Variants in GABRB1 observed in about 807,000 individuals in gnomAD.
GABRB1 encodes the protein gamma-aminobutyric acid receptor subunit beta-1.
In GABRB1, 17 loss-of-function variants were observed where a neutral mutation model predicts 51.6. The ratio of observed to expected loss-of-function variants is 0.33; its 90% CI spans 0.23 to 0.49. The LOEUF (loss-of-function observed/expected upper bound fraction) is 0.49. Among genes scored for constraint, GABRB1 ranks in the 20% least tolerant of loss-of-function variants. The probability of loss-of-function intolerance (pLI) is 0.99; values close to 1 mark genes in which losing one functional copy is unlikely to be tolerated. For missense variants in GABRB1, 410 were observed against 600.6 expected (o/e 0.68, Z 3.32); for synonymous variants, 247 against 218.9 (o/e 1.13, Z -1.14).
intron 8 of GABRB1, among the ~76,000 whole-genome samples, chr4:47,422,940 T>C (rs1185745106): frequency 6.6e-6 from 1 of 152,170 alleles, no homozygotes; most frequent in Non-Finnish European, 1.5e-5. Flanking sequence ...TTCATTTCTA[T>C]TTTAAACATT....
In GABRB1 at chr4:47,403,629, C is replaced by T; in HGVS notation, c.753C>T (p.Tyr251=). Reference sequence around the variant, plus strand: ...TTGGTTACTTCATTTTGCAAACCTACATGCCTTCTACACTGATTACAATTC... The same window carrying T: ...TTGGTTACTTCATTTTGCAAACCTATATGCCTTCTACACTGATTACAATTC... ...RNIGYFILQT[Y]MPSTLITILS... Residue 251 remains tyrosine (Y), a synonymous_variant, in exon 7 of 9, where the codon TAC becomes TAT. Transcript: ENST00000295454. 2 of 1,613,976 alleles carry T rather than the reference C, an allele frequency of 1.2e-6. No homozygotes were observed. The highest frequency in any genetic ancestry group is 1.7e-6 in the Non-Finnish European group (2 of 1,179,920).
intron 1 of GABRB1, among the ~76,000 whole-genome samples, chr4:47,000,730 C>T (rs1724152867): frequency 6.6e-6 from 1 of 152,156 alleles, no homozygotes; most frequent in African/African-American, 2.4e-5. Context: ...ACTTACTTAG[C>T]CAGCTTGGAT....
chr4:47,064,142 T>G (rs1262718212), intron 3 of GABRB1, among the ~76,000 whole-genome samples: 1 of 152,146 alleles, frequency 6.6e-6, no homozygotes, highest in Non-Finnish European at 1.5e-5. Context: ...TTTGATCAAG[T>G]GAGCAGCCTT....
At chr4:47,040,563 A>G (rs1725796403) in intron 3 of GABRB1, among the ~76,000 whole-genome samples, 1 of 152,112 alleles carries the variant, frequency 6.6e-6, no homozygotes, top group African/African-American at 2.4e-5. Flanking sequence ...GCACCACACC[A>G]TCTCTTTCAC....
At chr4:47,175,404 C>T (rs563082370) in intron 4 of GABRB1, among the ~76,000 whole-genome samples, 6 of 152,030 alleles carry the variant, frequency 3.9e-5, no homozygotes, top group Non-Finnish European at 7.4e-5. Flanking sequence ...CTTTTTCCTA[C>T]AATGCACACT....
chr4:47,032,135 C>CACAA, intron 2 of GABRB1, 130 bp downstream of exon 2: 2 of 646,820 alleles, frequency 3.1e-6, no homozygotes, highest in Non-Finnish European at 5.3e-6. Context: ...TGGGCACACA[C>CACAA]ACACACACAC....
chr4:47,284,781 A>G (rs968200265), intron 4 of GABRB1, among the ~76,000 whole-genome samples: 7 of 152,228 alleles, frequency 4.6e-5, no homozygotes, highest in Non-Finnish European at 8.8e-5. Context: ...CACAAAACAA[A>G]CAGTTTCATA....
intron 4 of GABRB1, among the ~76,000 whole-genome samples, chr4:47,299,136 C>T (rs534984295): frequency 1.3e-5 from 2 of 151,960 alleles, no homozygotes; most frequent in Admixed American, 6.6e-5. Context: ...CATAAAAACC[C>T]TAGAAGAAAA....
intron 8 of GABRB1, among the ~76,000 whole-genome samples, chr4:47,407,886 G>A (rs1309957041): frequency 1.3e-5 from 2 of 152,154 alleles, no homozygotes; most frequent in African/African-American, 4.8e-5. Context: ...GAGCCTAGGA[G>A]TTTGAGACCA....
chr4:47,139,306 C>A (rs780657185), intron 3 of GABRB1, among the ~76,000 whole-genome samples: 4 of 152,038 alleles, frequency 2.6e-5, no homozygotes, highest in Non-Finnish European at 5.9e-5. Context: ...CAAAGGCCTC[C>A]AGACAACAGT....
At chr4:47,408,459 T>G (rs575882748) in intron 8 of GABRB1, among the ~76,000 whole-genome samples, 2 of 152,276 alleles carry the variant, frequency 1.3e-5, no homozygotes, top group Admixed American at 6.5e-5. Context: ...ATAAACACTG[T>G]TTGAAAAATT....
intron 4 of GABRB1, among the ~76,000 whole-genome samples, chr4:47,242,739 T>G (rs1459266949): frequency 6.6e-6 from 1 of 152,178 alleles, no homozygotes; most frequent in Non-Finnish European, 1.5e-5. Flanking sequence ...GGTTGTTTGA[T>G]TTTTTCTTGT....
intron 4 of GABRB1, among the ~76,000 whole-genome samples, chr4:47,261,902 A>G (rs1410327017): frequency 2.0e-5 from 3 of 152,132 alleles, no homozygotes; most frequent in Non-Finnish European, 2.9e-5. Flanking sequence ...ATCTACAACT[A>G]TCTGATCTTT....
intron 5 of GABRB1, among the ~76,000 whole-genome samples, chr4:47,364,881 C>G (rs780919997): frequency 2.6e-5 from 4 of 151,766 alleles, no homozygotes; most frequent in Admixed American, 6.6e-5. Context: ...ATAGAAAGTA[C>G]AGACAAGGAA....
At chr4:47,144,972 T>A (rs1408519097) in intron 3 of GABRB1, among the ~76,000 whole-genome samples, 1 of 151,568 alleles carries the variant, frequency 6.6e-6, no homozygotes, top group African/African-American at 2.4e-5. Context: ...TAATGGGAGA[T>A]TAATTTGATT....
chr4:47,028,615 A>G (rs1032298978), upstream of GABRB1, among the ~76,000 whole-genome samples: 4 of 151,532 alleles, frequency 2.6e-5, no homozygotes, highest in African/African-American at 9.7e-5. Flanking sequence ...GAACACCCAC[A>G]TATCATGTTG....
chr4:47,390,311 A>G (rs942260931), intron 5 of GABRB1, among the ~76,000 whole-genome samples: 2 of 152,256 alleles, frequency 1.3e-5, no homozygotes, highest in Non-Finnish European at 2.9e-5. Flanking sequence ...GCTCCACAAC[A>G]GGACATAAAC....
At chr4:47,076,838 T>C (rs1175083698) in intron 3 of GABRB1, among the ~76,000 whole-genome samples, 1 of 152,156 alleles carries the variant, frequency 6.6e-6, no homozygotes, top group East Asian at 1.9e-4. Context: ...CACACTCCCA[T>C]AATAAATCAC....
chr4:47,163,010 T>C (rs1165489718), intron 4 of GABRB1, among the ~76,000 whole-genome samples: 3 of 152,044 alleles, frequency 2.0e-5, no homozygotes, highest in Non-Finnish European at 4.4e-5. Flanking sequence ...GATTTGGTTT[T>C]CCTTTCCCTA....
Sources: gnomAD v4.1 joint callset for allele counts (sites outside exome capture counted in the v4.1 genomes callset) on GRCh38, gnomAD v4.1.1 for gene constraint, MANE v1.5 for transcripts, NCBI Gene and HGNC (gene_info 2026-07-23, HGNC 2026-07-21) for gene names.